LATS2: variants seen among roughly 807,000 people sequenced by gnomAD.
LATS2 encodes the protein large tumor suppressor kinase 2.
LATS2 carries 24 observed loss-of-function variants against 76.0 expected under a neutral mutation model. That is an observed-to-expected ratio of 0.32 (90% CI 0.23 to 0.44). The LOEUF (loss-of-function observed/expected upper bound fraction) is 0.44. LATS2 is among the 20% of genes least tolerant of loss of function. The pLI is 1.00. For synonymous variants in LATS2, 692 were observed against 635.4 expected (o/e 1.09, Z -1.34); for missense variants, 1,286 against 1,481.2 (o/e 0.87, Z 2.16).
intron 2 of LATS2, among the ~76,000 whole-genome samples, chr13:21,007,092 T>C (rs946990547): frequency 6.6e-6 from 1 of 152,206 alleles, no homozygotes; most frequent in African/African-American, 2.4e-5. Context: ...TTATGAAGTA[T>C]GGTAGCAAAA....
At chr13:21,019,492 A>G (rs1419523424) in intron 2 of LATS2, among the ~76,000 whole-genome samples, 1 of 91,842 alleles carries the variant, frequency 1.1e-5, no homozygotes, top group Admixed American at 1.1e-4. Flanking sequence ...ACGCCCAGCT[A>G]ATTTTTTTTT....
At chr13:20,977,422 C>A (rs1869671612) in intron 7 of LATS2, among the ~76,000 whole-genome samples, 1 of 148,616 alleles carries the variant, frequency 6.7e-6, no homozygotes, top group African/African-American at 2.5e-5. Flanking sequence ...CATAACCAAA[C>A]TCACAGAGAC....
At chr13:21,027,797 T>A (rs532602850) in intron 2 of LATS2, among the ~76,000 whole-genome samples, 8 of 151,468 alleles carry the variant, frequency 5.3e-5, no homozygotes, top group South Asian at 2.1e-4. Context: ...TTAAAAAAAA[T>A]AAATAAACCT....
intron 3 of LATS2, among the ~76,000 whole-genome samples, chr13:20,989,879 C>T (rs1233952686): frequency 1.3e-5 from 2 of 152,138 alleles, no homozygotes; most frequent in Non-Finnish European, 2.9e-5. Context: ...CACACAAAAC[C>T]CCTCTACAAA....
At position 20,974,132 on chromosome 13, in the gene LATS2, A is replaced by C. The variant is rs1799239721; in HGVS notation, c.*738T>G. The C allele has an allele frequency of 4.4e-6, 1 of 228,120 alleles. No individual in the cohort carries two copies. Among genetic ancestry groups the C allele is most frequent in the South Asian group, 1.8e-4 (1 of 5,458 alleles). The allele number at this position is 228,120 out of a possible 1,614,324, so 14.1% of individuals were successfully genotyped here. ...CACACTGTCTAGAACACCTCATTTA[A>C]AGACACTCAGTAAAAACGTATTCAC... On this transcript the variant is annotated 3_prime_UTR_variant, in exon 8 of 8. Transcript: ENST00000382592.
At chr13:21,020,499 C>T (rs980989548) in intron 2 of LATS2, among the ~76,000 whole-genome samples, 4 of 149,168 alleles carry the variant, frequency 2.7e-5, no homozygotes, top group African/African-American at 1.0e-4. Context: ...TTTTAATTTA[C>T]AAGACCTTAC....
Position 20,988,706 on chromosome 13 carries a change from G to A in LATS2, c.1074C>T (p.Asp358=), listed in dbSNP as rs148449356. 9 of 1,567,664 alleles carry A rather than the reference G, an allele frequency of 5.7e-6. No individual in the cohort carries two copies. The African/African-American group carries it at 6.8e-5, about 12-fold the overall frequency. ...CGGAGGTGCTGCCCAATTCATACAG[G>A]TCCACGTTGAGGCTGTTCCGCGAGG... ...LTPSRNSLNV[D]LYELGSTSVQ... Residue 358 remains aspartate (D), a synonymous_variant, in exon 4 of 8, where the codon GAC becomes GAT. Coordinates refer to ENST00000382592, the MANE Select transcript of LATS2 (RefSeq NM_014572.3).
chr13:20,987,864 A>C lies in LATS2; in HGVS notation c.1899+17T>G, dbSNP rs966063366. 15 of 1,607,530 alleles carry C rather than the reference A, an allele frequency of 9.3e-6. No homozygotes were observed. In the Admixed American group the frequency reaches 1.5e-4, roughly 16 times the overall value. On this transcript the variant is annotated intron_variant, in intron 4 of 7. Transcript: ENST00000382592. ...GATGAGCCGGGAACAAATAGTAAAA[A>C]TGAAGTGTGAAATTACTTTGGCCAT...
chr13:20,987,202 A>G (rs935746502), intron 4 of LATS2, among the ~76,000 whole-genome samples: 3 of 135,914 alleles, frequency 2.2e-5, no homozygotes, highest in Non-Finnish European at 4.7e-5. Flanking sequence ...CTAAAAATAA[A>G]TTAAAAAATA....
At chr13:20,975,999 C>T (rs555919) in intron 7 of LATS2, among the ~76,000 whole-genome samples, 144,185 of 152,280 alleles carry the variant, frequency 0.95, 68,310 homozygotes, top group South Asian at 0.99. Context: ...ATACTTATTG[C>T]GGTCAAAAAA....
intron 2 of LATS2, among the ~76,000 whole-genome samples, chr13:21,017,752 A>C (rs1278597062): frequency 2.6e-5 from 4 of 151,654 alleles, no homozygotes; most frequent in Admixed American, 2.6e-4. Context: ...CAGCCTCCCA[A>C]GTAGCTAGAA....
intron 7 of LATS2, 31 bp downstream of exon 7, chr13:20,979,660 G>A (rs769348251): frequency 2.5e-6 from 3 of 1,220,390 alleles, no homozygotes; most frequent in South Asian, 2.5e-5. Context: ...GATGTCTACA[G>A]CAAGCAGATG....
In LATS2 at chr13:20,991,441, T is replaced by TC. The variant is rs1449569034; in HGVS notation, c.343-38dup. ...GTAAAGGAGAGGTAAGTGCATGTCATCCTAAAACAAAGCCACCAAAGACTC... is the reference window on the plus strand; with the variant it reads ...GTAAAGGAGAGGTAAGTGCATGTCATCCCTAAAACAAAGCCACCAAAGACTC... On this transcript the variant is annotated intron_variant, in intron 2 of 7. Transcript: ENST00000382592. This position sits in a 1 kb window ranked among gnomAD's most constrained non-coding sequence, Gnocchi z 4.9. 9 of 1,612,976 alleles carry TC rather than the reference T, an allele frequency of 5.6e-6. No individual in the cohort carries two copies. The highest frequency in any genetic ancestry group is 7.6e-6 in the Non-Finnish European group (9 of 1,179,626).
intron 2 of LATS2, among the ~76,000 whole-genome samples, chr13:21,000,304 C>A (rs1391327396): frequency 6.6e-6 from 1 of 151,928 alleles, no homozygotes; most frequent in Non-Finnish European, 1.5e-5. Context: ...TCACTTCAAC[C>A]CAGGAGGTGG....
chr13:20,979,914 C>T (rs904515651), intron 6 of LATS2, 117 bp from the exon 7 acceptor site: 16 of 608,478 alleles, frequency 2.6e-5, no homozygotes, highest in Middle Eastern at 2.5e-4. Flanking sequence ...GTTGAAGCAT[C>T]GCACTGTGCG....
intron 5 of LATS2, among the ~76,000 whole-genome samples, chr13:20,981,855 G>A (rs963954330): frequency 5.3e-5 from 8 of 152,142 alleles, no homozygotes; most frequent in African/African-American, 1.9e-4. Flanking sequence ...TGAGGTTGGC[G>A]CTAGCACCAA....
intron 5 of LATS2, among the ~76,000 whole-genome samples, chr13:20,982,499 C>T (rs1869936762): frequency 6.6e-6 from 1 of 152,016 alleles, no homozygotes; most frequent in Non-Finnish European, 1.5e-5. Flanking sequence ...TTAGTAGAGA[C>T]GGGGTTTCTC....
At chr13:21,055,448 C>T (rs1199517639) in intron 1 of LATS2, among the ~76,000 whole-genome samples, 2 of 152,192 alleles carry the variant, frequency 1.3e-5, no homozygotes, top group African/African-American at 4.8e-5. Flanking sequence ...AACAAAAACA[C>T]CTCATTCTCT....
Position 21,059,787 on chromosome 13 carries a change from C to T in LATS2, c.-205+1559G>A, listed in dbSNP as rs1354957312. On this transcript the variant is annotated intron_variant, in intron 1 of 7. Coordinates refer to ENST00000382592, the MANE Select transcript of LATS2 (RefSeq NM_014572.3). ...TCGAGAGCCAGCCTGGCCAACACGG[C>T]GAAACCCGTCTCTACTAAAAAATAC... Among the ~76,000 whole-genome samples the T allele has an allele frequency of 3.3e-5, 5 of 152,004 alleles. No individual in the cohort carries two copies. The East Asian group carries it at 7.8e-4, about 24-fold the overall frequency.
Sources: gnomAD v4.1 joint callset for allele counts (sites outside exome capture counted in the v4.1 genomes callset) on GRCh38, gnomAD v4.1.1 for gene constraint, Gnocchi (gnomAD v3.1) non-coding constraint, MANE v1.5 for transcripts, NCBI Gene and HGNC (gene_info 2026-07-23, HGNC 2026-07-21) for gene names.